Variants in CDCP1 observed in about 807,000 individuals in gnomAD.
CDCP1 encodes CUB domain containing protein 1.
Under a neutral mutation model 60.2 loss-of-function variants are expected in CDCP1, and 29 were observed. The ratio of observed to expected loss-of-function variants is 0.48; its 90% CI spans 0.36 to 0.66. The LOEUF (loss-of-function observed/expected upper bound fraction) is 0.66. Among genes scored for constraint, CDCP1 ranks in the 30% least tolerant of loss-of-function variants. The probability of loss-of-function intolerance (pLI) is 0.00; values close to 1 mark genes in which losing one functional copy is unlikely to be tolerated. For missense variants in CDCP1, 876 were observed against 1,074.3 expected (o/e 0.82, Z 2.58); for synonymous variants, 387 against 431.1 (o/e 0.90, Z 1.27).
intron 1 of CDCP1, among the ~76,000 whole-genome samples, chr3:45,126,177 T>TCCTA (rs1698993569): frequency 8.0e-6 from 1 of 125,020 alleles, no homozygotes. Flanking sequence ...TTTCTTTCCT[T>TCCTA]CTTTCTCTCT....
intron 4 of CDCP1, among the ~76,000 whole-genome samples, chr3:45,101,252 T>C (rs1310713122): frequency 1.3e-5 from 2 of 152,184 alleles, no homozygotes; most frequent in Admixed American, 6.5e-5. Context: ...GCAGGGGTGG[T>C]GAATATTTTA....
chr3:45,108,329 G>A (rs549676776), intron 4 of CDCP1, among the ~76,000 whole-genome samples: 4 of 152,160 alleles, frequency 2.6e-5, no homozygotes, highest in African/African-American at 4.8e-5. Flanking sequence ...CACTCACTCC[G>A]CTAGAAACAG....
At chr3:45,114,510 G>A (rs1001224883) in intron 2 of CDCP1, among the ~76,000 whole-genome samples, 2 of 151,766 alleles carry the variant, frequency 1.3e-5, no homozygotes, top group South Asian at 2.1e-4. Context: ...TGTCTCCCAG[G>A]TTCAGGTGAT....
intron 2 of CDCP1, among the ~76,000 whole-genome samples, chr3:45,117,468 C>G (rs1424004075): frequency 6.6e-6 from 1 of 152,176 alleles, no homozygotes; most frequent in Non-Finnish European, 1.5e-5. Context: ...TGCTTAAAGT[C>G]ATGTGATCAC....
chr3:45,100,237 G>T (rs1240901668), intron 4 of CDCP1, among the ~76,000 whole-genome samples: 1 of 152,218 alleles, frequency 6.6e-6, no homozygotes, highest in Non-Finnish European at 1.5e-5. Context: ...AGGGAAGGAA[G>T]GATGGAGCCT....
chr3:45,142,966 G>T (rs1699319174), intron 1 of CDCP1, among the ~76,000 whole-genome samples: 1 of 152,234 alleles, frequency 6.6e-6, no homozygotes, highest in Non-Finnish European at 1.5e-5. Flanking sequence ...ACTTCAGGAG[G>T]CCGAGGCGGG....
chr3:45,125,158 T>C (rs111418089), intron 1 of CDCP1, among the ~76,000 whole-genome samples: 11 of 152,258 alleles, frequency 7.2e-5, no homozygotes, highest in African/African-American at 2.4e-4. Flanking sequence ...ATGGAAGGAA[T>C]AGCAGGTGCA....
intron 1 of CDCP1, among the ~76,000 whole-genome samples, chr3:45,145,065 C>A (rs190890574): frequency 6.6e-6 from 1 of 152,158 alleles, no homozygotes; most frequent in African/African-American, 2.4e-5. Context: ...TACTATGCAG[C>A]AATATGTCAC....
upstream of CDCP1, chr3:45,146,381 C>T (rs1699392910): frequency 9.0e-7 from 1 of 1,111,742 alleles, no homozygotes; most frequent in Non-Finnish European, 1.2e-6. Flanking sequence ...TCCGCCCTGG[C>T]TCACTCACCT....
intron 4 of CDCP1, among the ~76,000 whole-genome samples, chr3:45,107,437 A>T (rs1438031969): frequency 6.6e-6 from 1 of 151,672 alleles, no homozygotes; most frequent in African/African-American, 2.4e-5. Flanking sequence ...CAAACTCCTG[A>T]CCTTATAATC....
rs1463239713 is a variant in CDCP1, at chr3:45,083,086, G to C, written c.*2552C>G. On this transcript the variant is annotated 3_prime_UTR_variant, in exon 9 of 9. Coordinates refer to ENST00000296129, the MANE Select transcript of CDCP1 (RefSeq NM_022842.5). ...AGGAAGGCCAATCCCACCTTGGGTGGAATGCAGGGCACCTAGTCCTGCTTG... is the reference window on the plus strand; with the variant it reads ...AGGAAGGCCAATCCCACCTTGGGTGCAATGCAGGGCACCTAGTCCTGCTTG... 6.6e-6 allele frequency: 1 copy of C among 152,246 alleles called. No homozygotes were observed. The allele number at this position is 152,246 out of a possible 1,614,324, so 9.4% of individuals were successfully genotyped here.
intron 1 of CDCP1, among the ~76,000 whole-genome samples, chr3:45,124,863 C>A (rs1240418875): frequency 6.6e-6 from 1 of 152,204 alleles, no homozygotes; most frequent in Non-Finnish European, 1.5e-5. Flanking sequence ...GGGACACACA[C>A]ACCATTGCAA....
Position 45,082,340 on chromosome 3 carries a change from G to A in CDCP1, c.*3298C>T, listed in dbSNP as rs984309595. The A allele has an allele frequency of 2.6e-5, 4 of 152,094 alleles. No individual in the cohort carries two copies. The highest frequency in any genetic ancestry group is 4.4e-5 in the Non-Finnish European group (3 of 68,054). 9.4% of individuals were successfully genotyped at this position (152,094 alleles called of 1,614,324 possible). A position where few individuals can be genotyped will look rare whatever the true frequency, so the allele number is the denominator to read the frequency against. ...AAAACATCTGCTTCACACAGTGCAC[G>A]GCATCAAATGAAGAGGAAAGAACTT... On this transcript the variant is annotated 3_prime_UTR_variant, in exon 9 of 9. Coordinates refer to ENST00000296129, the MANE Select transcript of CDCP1 (RefSeq NM_022842.5).
intron 1 of CDCP1, among the ~76,000 whole-genome samples, chr3:45,128,498 T>C (rs1699037471): frequency 1.3e-5 from 2 of 152,200 alleles, no homozygotes; most frequent in Admixed American, 1.3e-4. Context: ...CCCATTAAAA[T>C]AGTCTACTAT....
intron 3 of CDCP1, 120 bp from the exon 4 acceptor site, chr3:45,110,961 T>TG (rs1301402392): frequency 1.7e-5 from 19 of 1,088,398 alleles, no homozygotes; most frequent in Non-Finnish European, 2.4e-5. Context: ...TCCTGAGCAG[T>TG]GGGTCTAGAT....
At chr3:45,108,840 TATGCATGTATAC>T (rs1698628400) in intron 4 of CDCP1, among the ~76,000 whole-genome samples, 2 of 70,606 alleles carry the variant, frequency 2.8e-5, no homozygotes, top group Non-Finnish European at 2.8e-5. Context: ...TATATATATA[TATGCATGTATAC>T]ATATATATGC....
intron 1 of CDCP1, among the ~76,000 whole-genome samples, chr3:45,124,533 A>G (rs7646136): frequency 0.13 from 20,484 of 152,124 alleles, 1,490 homozygotes; most frequent in Middle Eastern, 0.21. Flanking sequence ...AGACTCAGAA[A>G]CCAAGAAGTT....
intron 4 of CDCP1, among the ~76,000 whole-genome samples, chr3:45,109,624 C>G (rs559772176): frequency 7.2e-5 from 11 of 152,076 alleles, no homozygotes; most frequent in African/African-American, 1.7e-4. Context: ...AAAATCTGCA[C>G]GACACCCCTC....
At chr3:45,106,164 T>C (rs1354487999) in intron 4 of CDCP1, among the ~76,000 whole-genome samples, 1 of 152,238 alleles carries the variant, frequency 6.6e-6, no homozygotes, top group African/African-American at 2.4e-5. Flanking sequence ...GATATTTTTA[T>C]CTTGTTTTTT....
Sources: allele counts gnomAD v4.1 joint callset (sites outside exome capture counted in the v4.1 genomes callset), GRCh38; gene constraint gnomAD v4.1.1; transcripts MANE v1.5; gene names NCBI Gene and HGNC (gene_info 2026-07-23, HGNC 2026-07-21).